APMAP: variants seen among roughly 807,000 people sequenced by gnomAD.
APMAP encodes adipocyte plasma membrane-associated protein.
APMAP carries 33 observed loss-of-function variants against 43.6 expected under a neutral mutation model. The ratio of observed to expected loss-of-function variants is 0.76; its 90% CI spans 0.57 to 1.01. The LOEUF (loss-of-function observed/expected upper bound fraction) is 1.01. Ranked by LOEUF, APMAP falls within the 50% of genes least tolerant of loss-of-function variation. APMAP has a pLI of 0.00. For missense variants in APMAP, 498 were observed against 540.7 expected (o/e 0.92, Z 0.78); for synonymous variants, 224 against 216.7 (o/e 1.03, Z -0.30).
chr20:24,981,027 T>TA (rs1375584038), intron 2 of APMAP, among the ~76,000 whole-genome samples: 26 of 152,142 alleles, frequency 1.7e-4, no homozygotes, highest in Non-Finnish European at 2.9e-4. Flanking sequence ...TAGAAATCTC[T>TA]AAAAAATCAG....
chr20:24,973,087 G>A (rs2088019531), intron 4 of APMAP, among the ~76,000 whole-genome samples: 1 of 152,158 alleles, frequency 6.6e-6, no homozygotes, highest in South Asian at 2.1e-4. Flanking sequence ...TGTTGTTTGT[G>A]TTTATGAAAA....
intron 4 of APMAP, among the ~76,000 whole-genome samples, chr20:24,971,885 C>T (rs887214146): frequency 2.7e-5 from 4 of 148,998 alleles, no homozygotes; most frequent in African/African-American, 1.0e-4. Context: ...AGGGTGTTCA[C>T]TGTGAGGTGC....
chr20:24,982,709 C>T (rs574974640), intron 2 of APMAP, among the ~76,000 whole-genome samples: 1 of 152,202 alleles, frequency 6.6e-6, no homozygotes, highest in Non-Finnish European at 1.5e-5. Flanking sequence ...TTCACTCCCC[C>T]ACCTTAGCCA....
intron 8 of APMAP, 123 bp from the exon 9 acceptor site, chr20:24,964,145 C>A: frequency 9.7e-7 from 1 of 1,030,270 alleles, no homozygotes; most frequent in Admixed American, 2.1e-5. Context: ...GGCAGCCCCA[C>A]AGGGCAGTGC....
intron 1 of APMAP, among the ~76,000 whole-genome samples, chr20:24,990,753 A>G (rs984550096): frequency 7.2e-5 from 11 of 152,234 alleles, no homozygotes; most frequent in African/African-American, 2.7e-4. Context: ...TAAATGAAAA[A>G]TATAGGAGAA....
rs745451833 is a variant in APMAP, at chr20:24,963,831, G to A, written c.1233C>T (p.Leu411=). 32 of 1,614,068 alleles carry A rather than the reference G, an allele frequency of 2.0e-5. No individual in the cohort carries two copies. Among genetic ancestry groups the A allele is most frequent in the Non-Finnish European group, 2.6e-5 (31 of 1,180,038 alleles). Residue 411 remains leucine, a synonymous_variant, in exon 9 of 9, where the codon CTC becomes CTT. Coordinates refer to ENST00000217456, the MANE Select transcript of APMAP (RefSeq NM_020531.3). ...GSFRSPFLCR[L]SLQAV is the part of the protein sequence containing the mutation. ...GGGAGGGCTAAACAGCCTGGAGGCT[G>A]AGTCTGCAGAGGAAGGGGGACCTGA...
intron 1 of APMAP, among the ~76,000 whole-genome samples, chr20:24,990,672 T>C (rs1167168604): frequency 1.3e-5 from 2 of 152,224 alleles, no homozygotes; most frequent in African/African-American, 2.4e-5. Context: ...CTTTCCTGGC[T>C]TATGTTGAAC....
At chr20:24,965,676 G>A (rs1043605019) in intron 8 of APMAP, among the ~76,000 whole-genome samples, 9 of 152,248 alleles carry the variant, frequency 5.9e-5, no homozygotes, top group African/African-American at 9.6e-5. Flanking sequence ...CCCTTGAGGC[G>A]AAAGGCAGCC....
At chr20:24,974,743 G>C (rs990555739) in intron 3 of APMAP, among the ~76,000 whole-genome samples, 1 of 152,044 alleles carries the variant, frequency 6.6e-6, no homozygotes, top group Non-Finnish European at 1.5e-5. Flanking sequence ...AAGTTATCAG[G>C]GATAAAGAGG....
At chr20:24,964,764 T>C (rs111947129) in intron 8 of APMAP, among the ~76,000 whole-genome samples, 2,297 of 152,192 alleles carry the variant, frequency 0.015, 72 homozygotes, top group African/African-American at 0.052. Flanking sequence ...GAATGGAAAT[T>C]AACAGACAGA....
chr20:24,984,065 A>G, intron 1 of APMAP, 46 bp from the exon 2 acceptor site: 6 of 1,511,596 alleles, frequency 4.0e-6, no homozygotes, highest in Non-Finnish European at 3.7e-6. Flanking sequence ...AGTCTCAGAC[A>G]GTGACAAGGT....
chr20:24,984,168 T>A (rs971887574), intron 1 of APMAP, 149 bp from the exon 2 acceptor site: 2 of 587,872 alleles, frequency 3.4e-6, no homozygotes, highest in Non-Finnish European at 6.0e-6. Flanking sequence ...GATTAAACTC[T>A]AGCACTATTT....
Position 24,973,660 on chromosome 20 carries a change from C to A in APMAP, c.406G>T (p.Gly136Cys). 2 of 1,614,020 alleles carry A rather than the reference C, an allele frequency of 1.2e-6. No individual in the cohort carries two copies. The highest frequency in any genetic ancestry group is 1.7e-6 in the Non-Finnish European group (2 of 1,179,880). Residue 136 changes from glycine to cysteine, a missense_variant, in exon 4 of 9, where the codon GGT becomes TGT. Coordinates refer to ENST00000217456, the MANE Select transcript of APMAP (RefSeq NM_020531.3). ...ACCAACTTACTGCAAGGGCCCGAAC[C>A]AAACCGGGCAATGGTCTCTATTTCA... Reference protein sequence around the residue: ...NGEIETIARFGSGPCKTRDDE... With the variant: ...NGEIETIARFCSGPCKTRDDE...
intron 4 of APMAP, 46 bp downstream of exon 4, chr20:24,973,599 T>C (rs770811670): frequency 1.1e-5 from 17 of 1,561,636 alleles, no homozygotes; most frequent in Non-Finnish European, 7.0e-6. Flanking sequence ...CCAACATCTT[T>C]CTGAAAGACT....
chr20:24,983,681 T>C (rs2088123301), intron 2 of APMAP, among the ~76,000 whole-genome samples: 1 of 152,232 alleles, frequency 6.6e-6, no homozygotes, highest in Non-Finnish European at 1.5e-5. Context: ...TTTTGGTTGA[T>C]GCAGTTTTTT....
At position 24,992,743 on chromosome 20, in the gene APMAP, TCA is replaced by T; in HGVS notation, c.-57_-56del. ...CCACCTCACACTGAGCGGCGCCGGCTCAGACTCCAGGCCCGCCCTCCCCCGTA... is the reference window on the plus strand; with the variant it reads ...CCACCTCACACTGAGCGGCGCCGGCTGACTCCAGGCCCGCCCTCCCCCGTA... On this transcript the variant is annotated 5_prime_UTR_variant, in exon 1 of 9. Coordinates refer to ENST00000217456, the MANE Select transcript of APMAP (RefSeq NM_020531.3). 1 of 1,358,316 alleles carries T rather than the reference TCA, an allele frequency of 7.4e-7. No homozygotes were observed. Among genetic ancestry groups the T allele is most frequent in the Non-Finnish European group, 9.8e-7 (1 of 1,025,434 alleles). 84.1% of individuals were successfully genotyped at this position (1,358,316 alleles called of 1,614,324 possible). A position where few individuals can be genotyped will look rare whatever the true frequency, so the allele number is the denominator to read the frequency against.
intron 8 of APMAP, among the ~76,000 whole-genome samples, chr20:24,965,913 C>G (rs1258506373): frequency 6.6e-6 from 1 of 152,182 alleles, no homozygotes; most frequent in Non-Finnish European, 1.5e-5. Context: ...GTGGTGTTGT[C>G]ATGGTTTTCA....
At chr20:24,976,313 C>T (rs1600285068) in intron 3 of APMAP, among the ~76,000 whole-genome samples, 1 of 152,016 alleles carries the variant, frequency 6.6e-6, no homozygotes, top group Non-Finnish European at 1.5e-5. Flanking sequence ...GAACTATTAT[C>T]CAAAATACAC....
intron 2 of APMAP, among the ~76,000 whole-genome samples, chr20:24,983,007 C>T (rs562443257): frequency 6.6e-6 from 1 of 152,338 alleles, no homozygotes; most frequent in Non-Finnish European, 1.5e-5. Flanking sequence ...CTTACATGAG[C>T]AAATTGTGTG....
Sources: gnomAD v4.1 joint callset for allele counts (sites outside exome capture counted in the v4.1 genomes callset) on GRCh38, gnomAD v4.1.1 for gene constraint, MANE v1.5 for transcripts, NCBI Gene and HGNC (gene_info 2026-07-23, HGNC 2026-07-21) for gene names.